The following MGAT4C variants were observed in gnomAD, a reference collection of about 807,000 sequenced individuals.
The protein encoded by MGAT4C is MGAT4 family member C.
In MGAT4C, 19 loss-of-function variants were observed where a neutral mutation model predicts 40.1. That is an observed-to-expected ratio of 0.47 (90% CI 0.33 to 0.70). The LOEUF (loss-of-function observed/expected upper bound fraction) is 0.70, where lower values mean the gene tolerates loss of function less well. MGAT4C is among the 30% of genes least tolerant of loss of function. The pLI, the probability that MGAT4C is intolerant of heterozygous loss-of-function variation, is 0.02. For synonymous variants in MGAT4C, 181 were observed against 187.1 expected (o/e 0.97, Z 0.27); for missense variants, 491 against 563.2 (o/e 0.87, Z 1.30).
At chr12:86,667,567 T>G (rs1263006013) in intron 2 of MGAT4C, among the ~76,000 whole-genome samples, 1 of 152,192 alleles carries the variant, frequency 6.6e-6, no homozygotes, top group Non-Finnish European at 1.5e-5. Flanking sequence ...TTAAACATAA[T>G]GGCAAAAACC....
At chr12:86,533,943 C>G (rs552950672) in intron 2 of MGAT4C, among the ~76,000 whole-genome samples, 1 of 151,792 alleles carries the variant, frequency 6.6e-6, no homozygotes, top group African/African-American at 2.4e-5. Context: ...CAATAAGATA[C>G]CAAATTCCAA....
rs894927567 is a variant in MGAT4C, at chr12:85,996,181, T to C, written c.-6-6629A>G. 5.3e-5 allele frequency among the ~76,000 whole-genome samples: 8 copies of C among 152,120 alleles called. No homozygotes were observed. In the East Asian group the frequency reaches 1.5e-3, roughly 29 times the overall value. ...GAAAAAAATCAAGACATAACTGAGA[T>C]GATAGAATTAAAAGAAAAAGGATAT... On this transcript the variant is annotated intron_variant, in intron 2 of 4. Coordinates refer to ENST00000611864, the MANE Select transcript of MGAT4C (RefSeq NM_001351288.2).
intron 2 of MGAT4C, among the ~76,000 whole-genome samples, chr12:86,560,599 T>A (rs189000670): frequency 3.3e-5 from 5 of 152,150 alleles, no homozygotes; most frequent in Non-Finnish European, 2.9e-5. Flanking sequence ...TCTTTCATGA[T>A]AAAGTTTCTG....
chr12:86,764,589 T>C (rs1441488615), intron 1 of MGAT4C, among the ~76,000 whole-genome samples: 3 of 60,074 alleles, frequency 5.0e-5, no homozygotes, highest in Admixed American at 1.4e-4. Flanking sequence ...CCCTGACCCC[T>C]GAGCAGCCTA....
At chr12:86,264,389 T>C (rs1249677654) in intron 4 of MGAT4C, among the ~76,000 whole-genome samples, 5 of 152,190 alleles carry the variant, frequency 3.3e-5, no homozygotes, top group African/African-American at 1.2e-4. Flanking sequence ...TGTTTGTTTG[T>C]TTTTGTTGTT....
At chr12:86,217,480 ATGTC>A (rs1403001401) in intron 1 of MGAT4C, among the ~76,000 whole-genome samples, 1 of 152,138 alleles carries the variant, frequency 6.6e-6, no homozygotes, top group African/African-American at 2.4e-5. Flanking sequence ...GAGGCTAAAG[ATGTC>A]TGTGACTGTT....
chr12:86,016,562 T>C (rs1314178548), intron 2 of MGAT4C: 1 of 152,234 alleles, frequency 6.6e-6, no homozygotes, highest in Admixed American at 6.5e-5. Context: ...CAATTCAGAA[T>C]TGAGTGGTAG....
intron 2 of MGAT4C, among the ~76,000 whole-genome samples, chr12:86,447,492 CTTAGT>C (rs1263796809): frequency 6.6e-6 from 1 of 152,096 alleles, no homozygotes; most frequent in Non-Finnish European, 1.5e-5. Flanking sequence ...TGTCAATAAA[CTTAGT>C]TTAGAGATAT....
intron 2 of MGAT4C, among the ~76,000 whole-genome samples, chr12:86,651,179 G>C (rs1963685734): frequency 6.6e-6 from 1 of 151,850 alleles, no homozygotes; most frequent in Admixed American, 6.6e-5. Flanking sequence ...TTTTACAAAA[G>C]TTCTAATCCA....
chr12:86,186,712 G>T (rs1406358265), intron 1 of MGAT4C, among the ~76,000 whole-genome samples: 1 of 152,008 alleles, frequency 6.6e-6, no homozygotes, highest in East Asian at 1.9e-4. Flanking sequence ...ACATTCTTTG[G>T]GTCAACAACT....
intron 2 of MGAT4C, among the ~76,000 whole-genome samples, chr12:85,997,228 C>A (rs1039537138): frequency 1.2e-4 from 18 of 152,118 alleles, no homozygotes; most frequent in African/African-American, 4.3e-4. Context: ...TATTTACTAT[C>A]GTGAGAACAG....
At chr12:86,774,416 TC>T (rs1951716903) in intron 1 of MGAT4C, among the ~76,000 whole-genome samples, 1 of 149,748 alleles carries the variant, frequency 6.7e-6, no homozygotes, top group African/African-American at 2.5e-5. Context: ...TCTCTCTCTC[TC>T]TCTCTTTCTT....
chr12:86,381,515 A>G (rs1450665092), intron 3 of MGAT4C, among the ~76,000 whole-genome samples: 1 of 152,136 alleles, frequency 6.6e-6, no homozygotes, highest in Non-Finnish European at 1.5e-5. Context: ...AAACAGACCA[A>G]TTCACCTTCT....
chr12:85,984,672 G>A (rs1245476261), intron 3 of MGAT4C, among the ~76,000 whole-genome samples: 1 of 151,922 alleles, frequency 6.6e-6, no homozygotes. Flanking sequence ...TGATTTACTA[G>A]AATTGGTAGA....
At chr12:86,603,265 A>C (rs1205550978) in intron 2 of MGAT4C, among the ~76,000 whole-genome samples, 1 of 143,542 alleles carries the variant, frequency 7.0e-6, no homozygotes, top group Non-Finnish European at 1.5e-5. Context: ...CTATATAACT[A>C]TAATATAATT....
intron 2 of MGAT4C, among the ~76,000 whole-genome samples, chr12:85,990,894 T>C (rs1210167522): frequency 6.6e-6 from 1 of 152,170 alleles, no homozygotes; most frequent in African/African-American, 2.4e-5. Context: ...TTTCAAATAG[T>C]ATGAGAAGTG....
At chr12:86,291,495 A>T (rs1953515469) in intron 4 of MGAT4C, among the ~76,000 whole-genome samples, 4 of 152,158 alleles carry the variant, frequency 2.6e-5, no homozygotes, top group African/African-American at 9.6e-5. Context: ...TTTTTTCACC[A>T]GGAAGTGGGT....
chr12:86,590,544 G>A (rs1961286658), intron 2 of MGAT4C, among the ~76,000 whole-genome samples: 1 of 151,942 alleles, frequency 6.6e-6, no homozygotes, highest in Non-Finnish European at 1.5e-5. Context: ...AACCCTGCCA[G>A]TAATCTTAGC....
chr12:86,494,673 T>C (rs1031398356), intron 2 of MGAT4C, among the ~76,000 whole-genome samples: 1 of 149,482 alleles, frequency 6.7e-6, no homozygotes, highest in African/African-American at 2.5e-5. Context: ...TAAAAACAAA[T>C]GTAGAGATAG....
Sources: gnomAD v4.1 joint callset for allele counts (sites outside exome capture counted in the v4.1 genomes callset) on GRCh38, gnomAD v4.1.1 for gene constraint, MANE v1.5 for transcripts, NCBI Gene and HGNC (gene_info 2026-07-23, HGNC 2026-07-21) for gene names.